The following ABCB1 variants were observed in gnomAD, a reference collection of about 807,000 sequenced individuals.
The protein encoded by ABCB1 is ATP-dependent translocase ABCB1.
In ABCB1, 69 loss-of-function variants were observed where a neutral mutation model predicts 142.0. The observed-to-expected ratio is 0.49, with a 90% CI of 0.40 to 0.59. The LOEUF is 0.59. Ranked by LOEUF, ABCB1 falls within the 20% of genes least tolerant of loss-of-function variation. ABCB1 has a pLI of 0.00. For missense variants in ABCB1, 1,326 were observed against 1,554.7 expected (o/e 0.85, Z 2.47); for synonymous variants, 532 against 539.2 (o/e 0.99, Z 0.18).
intron 19 of ABCB1, among the ~76,000 whole-genome samples, chr7:87,537,488 T>C (rs920678179): frequency 1.3e-5 from 2 of 151,782 alleles, no homozygotes; most frequent in Non-Finnish European, 2.9e-5. Flanking sequence ...AAGAGAAGAG[T>C]CAAAGATGGC....
intron 24 of ABCB1, 34 bp downstream of exon 24, chr7:87,516,475 G>A (rs201504072): frequency 2.5e-6 from 4 of 1,613,392 alleles, no homozygotes; most frequent in Non-Finnish European, 3.4e-6. Context: ...TCAGGAGTCA[G>A]GAGTAGATCA....
intron 21 of ABCB1, among the ~76,000 whole-genome samples, chr7:87,523,850 C>G (rs1815654428): frequency 6.6e-6 from 1 of 152,116 alleles, no homozygotes; most frequent in South Asian, 2.1e-4. Flanking sequence ...GGACGATGGA[C>G]TAGAGGGTCT....
In ABCB1 at chr7:87,531,370, A is replaced by G; in HGVS notation, c.2609T>C (p.Ile870Thr). The G allele has an allele frequency of 6.2e-7, 1 of 1,613,514 alleles. No homozygotes were observed. Among genetic ancestry groups the G allele is most frequent in the Non-Finnish European group, 8.5e-7 (1 of 1,179,686 alleles). ...LLLAIVPIIAIAGVVEMKMLS... is the reference protein window; with the variant it reads ...LLLAIVPIIATAGVVEMKMLS... ...CATTTTCATTTCAACAACTCCTGCTATTGCAATGATGGGTACAATTGCTAA... is the reference window on the plus strand; with the variant it reads ...CATTTTCATTTCAACAACTCCTGCTGTTGCAATGATGGGTACAATTGCTAA... The change falls in exon 21 of 28, where the codon ATA becomes ACA. Residue 870 changes from isoleucine to threonine, a missense_variant. Physicochemically the swap from Ile to Thr is moderately conservative, Grantham distance 89. Transcript: ENST00000622132.
chr7:87,680,107 A>G (rs1826780252), intron 1 of ABCB1, among the ~76,000 whole-genome samples: 1 of 150,072 alleles, frequency 6.7e-6, no homozygotes, highest in Non-Finnish European at 1.5e-5. Flanking sequence ...ACTTCCACTT[A>G]TGAGTGAGAA....
chr7:87,612,752 T>C (rs548120479), intron 1 of ABCB1, among the ~76,000 whole-genome samples: 1 of 152,288 alleles, frequency 6.6e-6, no homozygotes, highest in African/African-American at 2.4e-5. Flanking sequence ...GTGTTCCTTT[T>C]TGGTTTCATA....
intron 1 of ABCB1, among the ~76,000 whole-genome samples, chr7:87,691,043 C>G (rs1322402348): frequency 6.6e-6 from 1 of 151,718 alleles, no homozygotes; most frequent in Non-Finnish European, 1.5e-5. Flanking sequence ...ATTCAATGAT[C>G]AAAGAAATGG....
At chr7:87,695,095 C>T (rs1828386860) in intron 1 of ABCB1, among the ~76,000 whole-genome samples, 1 of 152,152 alleles carries the variant, frequency 6.6e-6, no homozygotes, top group Non-Finnish European at 1.5e-5. Flanking sequence ...AATGTAAGTA[C>T]AATTGAGTAT....
chr7:87,533,518 G>GAAGTCTA (rs1816152625), intron 20 of ABCB1, among the ~76,000 whole-genome samples: 1 of 152,142 alleles, frequency 6.6e-6, no homozygotes, highest in African/African-American at 2.4e-5. Flanking sequence ...AAACTGCAAG[G>GAAGTCTA]AGATTTAACC....
chr7:87,659,114 A>G (rs1824430810), intron 1 of ABCB1: 2 of 313,540 alleles, frequency 6.4e-6, no homozygotes, highest in Non-Finnish European at 1.2e-5. Flanking sequence ...TGATCGTGCC[A>G]TCATGCCACT....
chr7:87,681,458 C>T (rs1356501847), intron 1 of ABCB1, among the ~76,000 whole-genome samples: 1 of 150,668 alleles, frequency 6.6e-6, no homozygotes, highest in Non-Finnish European at 1.5e-5. Flanking sequence ...AAGCAAGTCA[C>T]AAAAAATTTT....
chr7:87,667,785 G>A (rs1563117245), intron 1 of ABCB1, among the ~76,000 whole-genome samples: 1 of 152,144 alleles, frequency 6.6e-6, no homozygotes, highest in East Asian at 1.9e-4. Flanking sequence ...GATGAATCAT[G>A]TTTATTGATT....
Position 87,513,213 on chromosome 7 carries a change from G to A in ABCB1, c.3282+2018C>T, listed in dbSNP as rs965780871. ...GTTACAGAATCACAGCTGCAGTGCTGTGATTTGGAAGTCTGGGAGCAAATA... is the reference window on the plus strand; with the variant it reads ...GTTACAGAATCACAGCTGCAGTGCTATGATTTGGAAGTCTGGGAGCAAATA... On this transcript the variant is annotated intron_variant, in intron 25 of 27. Transcript: ENST00000622132. 6.1e-5 allele frequency among the ~76,000 whole-genome samples: 9 copies of A among 148,364 alleles called. No individual in the cohort carries two copies. In the Admixed American group the frequency reaches 6.1e-4, roughly 10 times the overall value.
At chr7:87,584,865 T>A (rs1004514672) in intron 4 of ABCB1, among the ~76,000 whole-genome samples, 1 of 152,036 alleles carries the variant, frequency 6.6e-6, no homozygotes, top group Admixed American at 6.6e-5. Context: ...CATCTTTCAT[T>A]CAAACATCAC....
chr7:87,565,624 G>A (rs887050907), intron 7 of ABCB1: 2 of 337,194 alleles, frequency 5.9e-6, no homozygotes, highest in South Asian at 2.3e-5. Context: ...AATCTAGAAA[G>A]CCAAAAACAT....
At chr7:87,625,865 TAA>T (rs1820402211) in intron 1 of ABCB1, among the ~76,000 whole-genome samples, 1 of 151,948 alleles carries the variant, frequency 6.6e-6, no homozygotes, top group African/African-American at 2.4e-5. Context: ...AGATAAAGTG[TAA>T]AGTCTGACTA....
At chr7:87,699,938 A>C (rs1031496183) in intron 1 of ABCB1, among the ~76,000 whole-genome samples, 4 of 152,216 alleles carry the variant, frequency 2.6e-5, no homozygotes, top group African/African-American at 9.6e-5. Flanking sequence ...TAAAGTAAAC[A>C]ACACATTGTA....
chr7:87,644,992 T>C (rs894023930), intron 1 of ABCB1, among the ~76,000 whole-genome samples: 2 of 151,972 alleles, frequency 1.3e-5, no homozygotes, highest in Non-Finnish European at 2.9e-5. Context: ...TTGGTAACCA[T>C]CTCATTTCTC....
intron 11 of ABCB1, 56 bp from the exon 12 acceptor site, chr7:87,550,352 G>T: frequency 6.2e-7 from 1 of 1,612,806 alleles, no homozygotes. Flanking sequence ...CAGGATATAG[G>T]AACTGACTGT....
chr7:87,576,361 T>C lies in ABCB1; in HGVS notation c.287-6138A>G, dbSNP rs73387242. On this transcript the variant is annotated intron_variant, in intron 4 of 27. Coordinates refer to ENST00000622132, the MANE Select transcript of ABCB1 (RefSeq NM_001348946.2). ...GCTATAACTTAACCTATTCAAAAAATTTGCAAATGGTTTCACAGAGCTATA... is the reference window on the plus strand; with the variant it reads ...GCTATAACTTAACCTATTCAAAAAACTTGCAAATGGTTTCACAGAGCTATA... Among the ~76,000 whole-genome samples, 274 of 150,766 alleles carry C rather than the reference T, an allele frequency of 1.8e-3. 1 individual carries two copies. Among genetic ancestry groups the C allele is most frequent in the African/African-American group, 6.4e-3 (265 of 41,268 alleles).
Sources: allele counts gnomAD v4.1 joint callset (sites outside exome capture counted in the v4.1 genomes callset), GRCh38; gene constraint gnomAD v4.1.1; transcripts MANE v1.5; gene names NCBI Gene and HGNC (gene_info 2026-07-23, HGNC 2026-07-21).